The following ARHGEF17 variants were observed in gnomAD, a reference collection of about 807,000 sequenced individuals.
ARHGEF17 encodes Rho guanine nucleotide exchange factor 17.
A neutral mutation model predicts 174.0 loss-of-function variants in ARHGEF17; 80 were observed. The observed-to-expected ratio is 0.46, with a 90% CI of 0.38 to 0.55. ARHGEF17 has a LOEUF of 0.55. Among genes scored for constraint, ARHGEF17 ranks in the 20% least tolerant of loss-of-function variants. ARHGEF17 has a pLI of 0.00. For synonymous variants in ARHGEF17, 1,311 were observed against 1,189.1 expected (o/e 1.10, Z -2.11); for missense variants, 2,886 against 2,839.7 (o/e 1.02, Z -0.37).
At chr11:73,367,504 G>GGT in intron 20 of ARHGEF17, 80 bp from the exon 21 acceptor site, 1 of 1,226,174 alleles carries the variant, frequency 8.2e-7, no homozygotes, top group Non-Finnish European at 1.2e-6. Flanking sequence ...TATCTTCTGG[G>GGT]GTGTGGGAAT....
At chr11:73,361,975 G>C in intron 12 of ARHGEF17, 65 bp from the exon 13 acceptor site, 1 of 1,568,218 alleles carries the variant, frequency 6.4e-7, no homozygotes, top group South Asian at 1.2e-5. Flanking sequence ...GGGTTTCCCA[G>C]GAGTGGGGAA....
At chr11:73,353,100 C>A in intron 3 of ARHGEF17, 88 bp downstream of exon 3, 1 of 1,502,204 alleles carries the variant, frequency 6.7e-7, no homozygotes, top group Non-Finnish European at 9.1e-7. Context: ...CCCCACCCAT[C>A]CCACCTGGAT....
chr11:73,355,279 C>G (rs1865618148), intron 3 of ARHGEF17, among the ~76,000 whole-genome samples: 1 of 152,200 alleles, frequency 6.6e-6, no homozygotes, highest in African/African-American at 2.4e-5. Flanking sequence ...AGGATACATT[C>G]AGGTCTACAT....
At chr11:73,323,693 G>A (rs1430478739) in intron 1 of ARHGEF17, among the ~76,000 whole-genome samples, 1 of 152,248 alleles carries the variant, frequency 6.6e-6, no homozygotes, top group African/African-American at 2.4e-5. Context: ...GCCAGCGGGG[G>A]CGTTGCCTGG....
intron 1 of ARHGEF17, among the ~76,000 whole-genome samples, chr11:73,314,890 G>A (rs183961364): frequency 1.1e-3 from 170 of 152,206 alleles, no homozygotes; most frequent in African/African-American, 3.9e-3. Context: ...CCTGATACCC[G>A]TTTGACACAT....
chr11:73,311,520 G>A lies in ARHGEF17; in HGVS notation c.2882G>A (p.Ser961Asn). The A allele has an allele frequency of 1.2e-6, 2 of 1,613,212 alleles. No individual in the cohort carries two copies. Among genetic ancestry groups the A allele is most frequent in the South Asian group, 1.1e-5 (1 of 91,086 alleles). ...TCCTCCAGACACGTTCGCCATGCCAGTGTGCCCGCCACATTTATGCCTATT... is the reference window on the plus strand; with the variant it reads ...TCCTCCAGACACGTTCGCCATGCCAATGTGCCCGCCACATTTATGCCTATT... ...RPSSRHVRHA[S>N]VPATFMPIVV... The change falls in exon 1 of 21, where the codon AGT (serine) becomes AAT (asparagine). Residue 961 changes from serine to asparagine, a missense_variant. Physicochemically the swap from Ser to Asn is conservative, Grantham distance 46. Transcript: ENST00000263674.
chr11:73,337,343 G>A (rs1022025487), intron 1 of ARHGEF17, among the ~76,000 whole-genome samples: 13 of 149,786 alleles, frequency 8.7e-5, no homozygotes, highest in Admixed American at 8.0e-4. Flanking sequence ...GGAGTTTGAG[G>A]TTGCAGTGAG....
At chr11:73,357,595 A>G (rs1272854496) in intron 9 of ARHGEF17, among the ~76,000 whole-genome samples, 1 of 152,266 alleles carries the variant, frequency 6.6e-6, no homozygotes, top group Admixed American at 6.5e-5. Context: ...ACAGAGCAGC[A>G]TCACTGTAAT....
chr11:73,356,950 C>T, intron 7 of ARHGEF17, 75 bp from the exon 8 acceptor site: 6 of 1,541,118 alleles, frequency 3.9e-6, no homozygotes, highest in Non-Finnish European at 5.4e-6. Context: ...TCAGTGTCCC[C>T]TTGGGCACTA....
intron 13 of ARHGEF17, 55 bp from the exon 14 acceptor site, chr11:73,362,378 A>G: frequency 6.8e-7 from 1 of 1,471,638 alleles, no homozygotes. Flanking sequence ...CGTGTCCACC[A>G]CCGGGGCCCC....
At position 73,310,140 on chromosome 11, in the gene ARHGEF17, C is replaced by G. The variant is rs751414074; in HGVS notation, c.1502C>G (p.Pro501Arg). ...GGSSGDRGSN[P>R]LDGRDSPSAG... ...AGCTCCGGGGACCGTGGAAGCAACC[C>G]CCTAGATGGCAGAGACTCACCATCC... Residue 501 changes from proline (P) to arginine (R), a missense_variant, in exon 1 of 21, where the codon CCC (proline) becomes CGC (arginine). Pro to Arg is a moderately radical substitution (Grantham distance 103). This residue lies in a region of ARHGEF17 where 1,728 missense variants were observed against 1,461.2 expected (regional missense o/e 1.18). Coordinates refer to ENST00000263674, the MANE Select transcript of ARHGEF17 (RefSeq NM_014786.4). 4 of 1,614,058 alleles carry G rather than the reference C, an allele frequency of 2.5e-6. No individual in the cohort carries two copies. The highest frequency in any genetic ancestry group is 3.4e-6 in the Non-Finnish European group (4 of 1,180,016).
At chr11:73,326,849 C>T (rs1323758704) in intron 1 of ARHGEF17, among the ~76,000 whole-genome samples, 2 of 152,230 alleles carry the variant, frequency 1.3e-5, no homozygotes, top group Non-Finnish European at 2.9e-5. Context: ...GTCATGTCTG[C>T]CCCCTGGACC....
At chr11:73,323,547 G>A (rs1389016060) in intron 1 of ARHGEF17, among the ~76,000 whole-genome samples, 1 of 152,206 alleles carries the variant, frequency 6.6e-6, no homozygotes, top group Non-Finnish European at 1.5e-5. Context: ...TTTAGGGAGA[G>A]GAGTGCCTCA....
chr11:73,352,628 C>A (rs1262403580), intron 2 of ARHGEF17, among the ~76,000 whole-genome samples: 2 of 152,194 alleles, frequency 1.3e-5, no homozygotes, highest in Non-Finnish European at 2.9e-5. Flanking sequence ...TTGTGCCAGG[C>A]CCTGGGCTCA....
Position 73,364,574 on chromosome 11 carries a change from C to A in ARHGEF17, c.5524C>A (p.Leu1842Met). 6.2e-7 allele frequency: 1 copy of A among 1,612,684 alleles called. No individual in the cohort carries two copies. The highest frequency in any genetic ancestry group is 1.1e-5 in the South Asian group (1 of 91,030). The change falls in exon 18 of 21, where the codon CTG becomes ATG. Residue 1842 changes from leucine (L) to methionine (M), a missense_variant. Transcript: ENST00000263674. The stretch of plus-strand genomic sequence containing the variant: ...TGGCTGCCAGAACCGAGTCCTTGTC[C>A]TGAGCCCTGACACGCTGCAGCTGGA... ...WCGCQNRVLVLSPDTLQLEHM... is the reference protein window; with the variant it reads ...WCGCQNRVLVMSPDTLQLEHM...
Position 73,308,666 on chromosome 11 carries a change from C to T in ARHGEF17, c.28C>T (p.Leu10Phe). 6.6e-7 allele frequency: 1 copy of T among 1,516,682 alleles called. No homozygotes were observed. The highest frequency in any genetic ancestry group is 8.8e-7 in the Non-Finnish European group (1 of 1,135,706). The allele number at this position is 1,516,682 out of a possible 1,614,324, so 94.0% of individuals were successfully genotyped here. A position where few individuals can be genotyped will look rare whatever the true frequency, so the allele number is the denominator to read the frequency against. Reference sequence around the variant, plus strand: ...GGCGGACGGGGCACCCCGGCCCCAGCTTTACCGCAGCGTCTCGTTCAAGCT... The same window carrying T: ...GGCGGACGGGGCACCCCGGCCCCAGTTTTACCGCAGCGTCTCGTTCAAGCT... MADGAPRPQ[L>F]YRSVSFKLLE... Residue 10 changes from leucine (L) to phenylalanine (F), a missense_variant, in exon 1 of 21, where the codon CTT (leucine) becomes TTT (phenylalanine). By Grantham distance (22) the Leu-to-Phe change is conservative. This residue lies in a region of ARHGEF17 where 1,728 missense variants were observed against 1,461.2 expected (regional missense o/e 1.18). Transcript: ENST00000263674.
intron 1 of ARHGEF17, among the ~76,000 whole-genome samples, chr11:73,314,081 C>T (rs1362471751): frequency 1.3e-5 from 2 of 152,216 alleles, no homozygotes; most frequent in Non-Finnish European, 2.9e-5. Context: ...GAAGTTCTCC[C>T]ATCTGCTAGC....
intron 1 of ARHGEF17, among the ~76,000 whole-genome samples, chr11:73,335,874 T>C (rs1865279176): frequency 6.6e-6 from 1 of 151,916 alleles, no homozygotes; most frequent in Non-Finnish European, 1.5e-5. Context: ...AATCCCAGAG[T>C]GGAGAGGAAT....
Position 73,365,438 on chromosome 11 carries a change from G to A in ARHGEF17, c.5599G>A (p.Val1867Met), listed in dbSNP as rs776604547. The A allele has an allele frequency of 1.2e-5, 19 of 1,613,932 alleles. No individual in the cohort carries two copies. Among genetic ancestry groups the A allele is most frequent in the Middle Eastern group, 3.3e-4 (2 of 6,084 alleles). The change falls in exon 19 of 21, where the codon GTG (valine) becomes ATG (methionine). Residue 1867 changes from valine to methionine, a missense_variant. Val to Met is a conservative substitution (Grantham distance 21). This residue lies in a region of ARHGEF17 where 329 missense variants were observed against 435.2 expected (regional missense o/e 0.76). Transcript: ENST00000263674. This position sits in a 1 kb window ranked among gnomAD's most constrained non-coding sequence, Gnocchi z 4.9. ...TTCAAGCCGCTGCGTGGCTTGCATG[G>A]TGGACTCCAGCCTGGGTGTGTGGGT... is the stretch of plus-strand genomic sequence containing the variant. ...QDSSRCVACM[V>M]DSSLGVWVTL...
Sources: gnomAD v4.1 joint callset for allele counts (sites outside exome capture counted in the v4.1 genomes callset) on GRCh38, gnomAD v4.1.1 for gene constraint, gnomAD v4.1.1 regional missense constraint, Gnocchi (gnomAD v3.1) non-coding constraint, MANE v1.5 for transcripts, NCBI Gene and HGNC (gene_info 2026-07-23, HGNC 2026-07-21) for gene names.